The following ZNF727 variants were observed in gnomAD, a reference collection of about 807,000 sequenced individuals.
ZNF727 encodes the protein zinc finger protein 727.
In ZNF727, 11 loss-of-function variants were observed where a neutral mutation model predicts 11.5. That is an observed-to-expected ratio of 0.95 (90% CI 0.60 to 1.58). The LOEUF (loss-of-function observed/expected upper bound fraction) is 1.58. Among genes scored for constraint, ZNF727 ranks in the 40% most tolerant of loss-of-function variants. The probability of loss-of-function intolerance (pLI) is 0.00; values close to 1 mark genes in which losing one functional copy is unlikely to be tolerated. For synonymous variants in ZNF727, 171 were observed against 196.1 expected (o/e 0.87, Z 1.07); for missense variants, 533 against 581.7 (o/e 0.92, Z 0.86).
At chr7:64,074,097 T>G (rs1790004940) in intron 3 of ZNF727, among the ~76,000 whole-genome samples, 1 of 152,140 alleles carries the variant, frequency 6.6e-6, no homozygotes, top group African/African-American at 2.4e-5. Context: ...CTAGACCTGG[T>G]TACCTTCTGC....
At chr7:64,073,669 C>T (rs17139503) in intron 3 of ZNF727, among the ~76,000 whole-genome samples, 1 of 151,942 alleles carries the variant, frequency 6.6e-6, no homozygotes, top group East Asian at 1.9e-4. Flanking sequence ...TAAAGACTTG[C>T]TTAAAGACTG....
At chr7:64,064,271 A>G (rs1285249435) in intron 1 of ZNF727, among the ~76,000 whole-genome samples, 2 of 152,060 alleles carry the variant, frequency 1.3e-5, no homozygotes, top group African/African-American at 2.4e-5. Flanking sequence ...AAGAAGTACT[A>G]CTTGGTTACT....
At chr7:64,072,336 T>A (rs1255106043) in intron 3 of ZNF727, among the ~76,000 whole-genome samples, 1 of 152,082 alleles carries the variant, frequency 6.6e-6, no homozygotes, top group Non-Finnish European at 1.5e-5. Flanking sequence ...GGGTAGTTGT[T>A]AATCCTGTCT....
At chr7:64,073,646 C>T (rs1413560086) in intron 3 of ZNF727, among the ~76,000 whole-genome samples, 1 of 152,062 alleles carries the variant, frequency 6.6e-6, no homozygotes, top group African/African-American at 2.4e-5. Flanking sequence ...AAACAGCCAT[C>T]TAATCTAATA....
chr7:64,082,319 T>A lies in ZNF727; in HGVS notation c.*3770T>A, dbSNP rs1281160739. Among the ~76,000 whole-genome samples the A allele has an allele frequency of 6.6e-6, 1 of 152,218 alleles. No homozygotes were observed. Among genetic ancestry groups the A allele is most frequent in the African/African-American group, 2.4e-5 (1 of 41,464 alleles). On this transcript the variant is annotated 3_prime_UTR_variant, in exon 4 of 4. Coordinates refer to ENST00000456806, the MANE Select transcript of ZNF727 (RefSeq NM_001159522.3). ...GAGAACAGGCACTCACGTAACAGTC[T>A]GGCCACTTTTCTGAAGGGCTGCTGC...
intron 3 of ZNF727, among the ~76,000 whole-genome samples, chr7:64,076,385 C>T (rs552609212): frequency 1.3e-5 from 2 of 152,062 alleles, no homozygotes; most frequent in Non-Finnish European, 1.5e-5. Context: ...TCCAGGCGGG[C>T]GGATCACCCA....
At chr7:64,071,137 A>T (rs1341510417) in intron 3 of ZNF727, among the ~76,000 whole-genome samples, 2 of 152,106 alleles carry the variant, frequency 1.3e-5, no homozygotes, top group Non-Finnish European at 2.9e-5. Flanking sequence ...CAGAAATGAG[A>T]TAGCTAAATT....
At chr7:64,070,212 C>T (rs1485372763) in intron 3 of ZNF727, among the ~76,000 whole-genome samples, 3 of 152,032 alleles carry the variant, frequency 2.0e-5, no homozygotes, top group Non-Finnish European at 1.5e-5. Flanking sequence ...AGTATTACTT[C>T]AAATGTTATT....
chr7:64,046,801 G>A (rs1789514840), intron 1 of ZNF727, among the ~76,000 whole-genome samples: 1 of 152,228 alleles, frequency 6.6e-6, no homozygotes, highest in Admixed American at 6.5e-5. Context: ...TGGTTTGGGG[G>A]CTCAAAGGAG....
chr7:64,059,612 T>A (rs1789739751), intron 1 of ZNF727, among the ~76,000 whole-genome samples: 1 of 152,180 alleles, frequency 6.6e-6, no homozygotes, highest in African/African-American at 2.4e-5. Context: ...TGCCTTTACT[T>A]CCTGACTAAA....
intron 1 of ZNF727, 69 bp downstream of exon 1, chr7:64,045,693 G>A: frequency 6.5e-7 from 1 of 1,548,626 alleles, no homozygotes; most frequent in Non-Finnish European, 8.7e-7. Flanking sequence ...AACTGGCTGC[G>A]GTGGGATCTT....
At position 64,045,504 on chromosome 7, in the gene ZNF727, T is replaced by G. The variant is rs1789486649; in HGVS notation, c.-118T>G. ...CTGAGTCCAGTACCCGTCTGTACTA[T>G]TCCATCTCTTCCGCTCCATTAGCTC... is the stretch of plus-strand genomic sequence containing the variant. On this transcript the variant is annotated 5_prime_UTR_variant, in exon 1 of 4. Transcript: ENST00000456806. 1.2e-5 allele frequency: 17 copies of G among 1,377,728 alleles called. No individual in the cohort carries two copies. The South Asian group carries it at 2.0e-4, about 16-fold the overall frequency. 85.3% of individuals were successfully genotyped at this position (1,377,728 alleles called of 1,614,324 possible).
In ZNF727 at chr7:64,077,359, G is replaced by A. The variant is rs544508192; in HGVS notation, c.310G>A (p.Gly104Arg). 568 of 1,551,310 alleles carry A rather than the reference G, an allele frequency of 3.7e-4. 5 individuals carry two copies. In the South Asian group the frequency reaches 6.4e-3, roughly 18 times the overall value. Residue 104 changes from glycine (G) to arginine (R), a missense_variant, in exon 4 of 4, where the codon GGA becomes AGA. This residue lies in a region of ZNF727 where 463 missense variants were observed against 494.5 expected (regional missense o/e 0.94). Coordinates refer to ENST00000456806, the MANE Select transcript of ZNF727 (RefSeq NM_001159522.3). ...SFQKVILRKS[G>R]SCDLNTLRLK... ...TCAAAAAGTGATCCTGAGAAAATCT[G>A]GAAGCTGTGACCTTAATACTTTACG...
intron 1 of ZNF727, among the ~76,000 whole-genome samples, chr7:64,049,457 T>C (rs1192424352): frequency 6.6e-6 from 1 of 152,106 alleles, no homozygotes; most frequent in African/African-American, 2.4e-5. Context: ...ACACTCTGTA[T>C]GTAAAATTGT....
intron 1 of ZNF727, among the ~76,000 whole-genome samples, chr7:64,055,091 G>A (rs1789662091): frequency 6.6e-6 from 1 of 151,962 alleles, no homozygotes; most frequent in Non-Finnish European, 1.5e-5. Flanking sequence ...TGTAAAATAT[G>A]CATAACATAG....
chr7:64,084,081 A>C lies in ZNF727; in HGVS notation c.*5532A>C, dbSNP rs1356469358. ...TCTTCCGTATCAGATGAAAAGATTT[A>C]TATACTTTCCTATGGAAGATTAAGA... is the stretch of plus-strand genomic sequence containing the variant. On this transcript the variant is annotated 3_prime_UTR_variant, in exon 4 of 4. Transcript: ENST00000456806. 6.6e-6 allele frequency among the ~76,000 whole-genome samples: 1 copy of C among 152,168 alleles called. No individual in the cohort carries two copies. The highest frequency in any genetic ancestry group is 1.5e-5 in the Non-Finnish European group (1 of 68,030).
At chr7:64,050,809 T>A (rs1789586073) in intron 1 of ZNF727, among the ~76,000 whole-genome samples, 1 of 151,738 alleles carries the variant, frequency 6.6e-6, no homozygotes, top group South Asian at 2.1e-4. Context: ...TGTGTGTGTG[T>A]GTGTATGTAT....
At chr7:64,064,702 C>T (rs1379232384) in intron 1 of ZNF727, among the ~76,000 whole-genome samples, 7 of 152,088 alleles carry the variant, frequency 4.6e-5, no homozygotes, top group African/African-American at 9.7e-5. Flanking sequence ...CCATGTGATG[C>T]GGCTACCTGA....
In ZNF727 at chr7:64,081,777, A is replaced by G. The variant is rs1785796765; in HGVS notation, c.*3228A>G. Among the ~76,000 whole-genome samples the G allele has an allele frequency of 6.6e-6, 1 of 152,140 alleles. No individual in the cohort carries two copies. The highest frequency in any genetic ancestry group is 1.5e-5 in the Non-Finnish European group (1 of 68,028). On this transcript the variant is annotated 3_prime_UTR_variant, in exon 4 of 4. Transcript: ENST00000456806. ...AGGTCCAACAGTTCCCCTAGGGCTA[A>G]AGTCTCTTATGGGAGAAAGTTGAGC... is the stretch of plus-strand genomic sequence containing the variant.
Sources: allele counts gnomAD v4.1 joint callset (sites outside exome capture counted in the v4.1 genomes callset), GRCh38; gene constraint gnomAD v4.1.1; regional missense constraint gnomAD v4.1.1; transcripts MANE v1.5; gene names NCBI Gene and HGNC (gene_info 2026-07-23, HGNC 2026-07-21).